Variants in IMPA2 observed in about 807,000 individuals in gnomAD.
IMPA2 encodes the protein inositol monophosphatase 2, also known as IMP 2.
A neutral mutation model predicts 35.1 loss-of-function variants in IMPA2; 32 were observed. The ratio of observed to expected loss-of-function variants is 0.91; its 90% confidence interval spans 0.69 to 1.23. IMPA2 has a LOEUF of 1.23. IMPA2 is among the 50% of genes most tolerant of loss of function. The pLI is 0.00. For synonymous variants in IMPA2, 135 were observed against 160.6 expected (o/e 0.84, Z 1.20); for missense variants, 334 against 387.6 (o/e 0.86, Z 1.16).
chr18:12,020,549 A>G (rs1435219296), intron 5 of IMPA2, among the ~76,000 whole-genome samples: 3 of 151,644 alleles, frequency 2.0e-5, no homozygotes, highest in Non-Finnish European at 4.4e-5. Flanking sequence ...TATTTTTTTT[A>G]TTTCCCAATT....
At chr18:12,027,933 C>T (rs1297576332) in intron 5 of IMPA2, 110 bp from the exon 6 acceptor site, 7 of 689,552 alleles carry the variant, frequency 1.0e-5, no homozygotes, top group South Asian at 1.8e-5. Context: ...ATGAACCAGT[C>T]GAAAGATGAT....
chr18:11,981,543 G>T lies in IMPA2; in HGVS notation c.-127G>T. The T allele has an allele frequency of 1.7e-6, 1 of 574,172 alleles. No individual in the cohort carries two copies. The allele number at this position is 574,172 out of a possible 1,614,324, so 35.6% of individuals were successfully genotyped here. On this transcript the variant is annotated 5_prime_UTR_variant, in exon 1 of 8. Coordinates refer to ENST00000269159, the MANE Select transcript of IMPA2 (RefSeq NM_014214.3). Reference sequence around the variant, plus strand: ...CCAGCGCAGGTGTGGGACGGGCGGCGGACTAGGCACAGAGCTGCGGGAGCA... The same window carrying T: ...CCAGCGCAGGTGTGGGACGGGCGGCTGACTAGGCACAGAGCTGCGGGAGCA...
intron 5 of IMPA2, among the ~76,000 whole-genome samples, chr18:12,017,074 T>G (rs1907598802): frequency 6.6e-6 from 1 of 152,224 alleles, no homozygotes; most frequent in Non-Finnish European, 1.5e-5. Context: ...ATTTCTATTA[T>G]GCCTTGCTGG....
At chr18:12,029,778 G>A (rs918132406) in intron 7 of IMPA2, among the ~76,000 whole-genome samples, 1 of 152,318 alleles carries the variant, frequency 6.6e-6, no homozygotes, top group African/African-American at 2.4e-5. Flanking sequence ...GCACCTGAAG[G>A]CTCACGTATG....
chr18:11,992,809 C>T (rs1031634798), intron 1 of IMPA2, among the ~76,000 whole-genome samples: 2 of 152,126 alleles, frequency 1.3e-5, no homozygotes, highest in African/African-American at 2.4e-5. Context: ...TACCTGGCAA[C>T]CCCATGTGCT....
In IMPA2 at chr18:12,028,084, C is replaced by T. The variant is rs753459911; in HGVS notation, c.532C>T (p.Arg178Cys). 7.4e-6 allele frequency: 12 copies of T among 1,613,936 alleles called. No individual in the cohort carries two copies. The highest frequency in any genetic ancestry group is 1.6e-4 in the Middle Eastern group (1 of 6,082). Residue 178 changes from arginine to cysteine, a missense_variant, in exon 6 of 8, where the codon CGT becomes TGT. Transcript: ENST00000269159. Reference protein sequence around the residue: ...ALVLTEIGPKRDPATLKLFLS... With the variant: ...ALVLTEIGPKCDPATLKLFLS... ...GGTTCTGACAGAAATTGGCCCCAAACGTGACCCTGCGACCCTGAAGCTGTT... is the reference window on the plus strand; with the variant it reads ...GGTTCTGACAGAAATTGGCCCCAAATGTGACCCTGCGACCCTGAAGCTGTT...
intron 1 of IMPA2, among the ~76,000 whole-genome samples, chr18:11,988,263 C>G (rs1299644415): frequency 2.0e-5 from 3 of 152,174 alleles, no homozygotes; most frequent in African/African-American, 7.2e-5. Flanking sequence ...ACCTTGGCCT[C>G]CCAAAGTGCT....
chr18:12,013,223 C>T (rs968771567), intron 4 of IMPA2, among the ~76,000 whole-genome samples: 4 of 152,108 alleles, frequency 2.6e-5, no homozygotes, highest in Admixed American at 2.0e-4. Flanking sequence ...TCGTGGTGGG[C>T]TCCTCCCCAT....
At chr18:11,998,036 A>G (rs537218190) in intron 1 of IMPA2, among the ~76,000 whole-genome samples, 1 of 152,214 alleles carries the variant, frequency 6.6e-6, no homozygotes, top group East Asian at 1.9e-4. Context: ...GTGCAGTACC[A>G]TGTGCCTGTA....
chr18:11,982,949 C>T (rs1906549255), intron 1 of IMPA2, among the ~76,000 whole-genome samples: 1 of 152,162 alleles, frequency 6.6e-6, no homozygotes, highest in Non-Finnish European at 1.5e-5. Flanking sequence ...TGAAATCGGA[C>T]TGTTATCAAT....
intron 2 of IMPA2, among the ~76,000 whole-genome samples, chr18:12,000,146 G>A (rs1907075554): frequency 6.6e-6 from 1 of 152,032 alleles, no homozygotes; most frequent in South Asian, 2.1e-4. Flanking sequence ...GCACATGGTA[G>A]GCTTAAAATA....
chr18:12,007,683 TCTTTCCTTTCTTTC>T (rs1314490646), intron 2 of IMPA2, among the ~76,000 whole-genome samples: 4 of 147,220 alleles, frequency 2.7e-5, no homozygotes, highest in Non-Finnish European at 6.0e-5. Flanking sequence ...TTCTTTCCTT[TCTTTCCTTTCTTTC>T]CTTTCTTCCC....
intron 1 of IMPA2, among the ~76,000 whole-genome samples, chr18:11,996,586 G>A (rs1484849602): frequency 6.6e-6 from 1 of 151,994 alleles, no homozygotes; most frequent in Non-Finnish European, 1.5e-5. Context: ...GGAACATCCT[G>A]GTCTCCTAGT....
Position 12,030,620 on chromosome 18 carries a change from C to A in IMPA2, c.*162C>A, listed in dbSNP as rs186628994. ...ACAGTGAGTGGCTGGCCTTTTAAAT[C>A]GACGTCTCTCTCACCAGGATTTGGT... is the stretch of plus-strand genomic sequence containing the variant. On this transcript the variant is annotated 3_prime_UTR_variant, in exon 8 of 8. Transcript: ENST00000269159. 8.4e-6 allele frequency: 5 copies of A among 597,978 alleles called. No individual in the cohort carries two copies. Among genetic ancestry groups the A allele is most frequent in the East Asian group, 2.8e-5 (1 of 35,690 alleles). The allele number at this position is 597,978 out of a possible 1,614,324, so 37.0% of individuals were successfully genotyped here.
chr18:11,984,215 C>T (rs969311474), intron 1 of IMPA2, among the ~76,000 whole-genome samples: 1 of 152,182 alleles, frequency 6.6e-6, no homozygotes, highest in Non-Finnish European at 1.5e-5. Context: ...GCTTCCCTGT[C>T]CCAGGCTCCC....
chr18:12,000,615 A>ATTTTTTTT (rs367586917), intron 2 of IMPA2, among the ~76,000 whole-genome samples: 1 of 118,208 alleles, frequency 8.5e-6, no homozygotes. Flanking sequence ...AGTGTTTGTG[A>ATTTTTTTT]TTTTTTTTTT....
chr18:12,022,528 A>AAT (rs202132842), intron 5 of IMPA2, among the ~76,000 whole-genome samples: 1,476 of 96,772 alleles, frequency 0.015, 56 homozygotes, highest in African/African-American at 0.054. Context: ...TCTCAAAAAG[A>AAT]ATATATATAT....
intron 2 of IMPA2, chr18:12,008,263 T>C: frequency 2.0e-6 from 1 of 489,286 alleles, no homozygotes; most frequent in South Asian, 1.5e-5. Context: ...CCCACAGTGC[T>C]GGGATTACAG....
intron 3 of IMPA2, 85 bp from the exon 4 acceptor site, chr18:12,012,085 G>C (rs1382324324): frequency 1.6e-6 from 2 of 1,275,538 alleles, no homozygotes; most frequent in African/African-American, 1.5e-5. Flanking sequence ...GTCCTTCTGA[G>C]CCTGCGGGGA....
Sources: gnomAD v4.1 joint callset for allele counts (sites outside exome capture counted in the v4.1 genomes callset) on GRCh38, gnomAD v4.1.1 for gene constraint, MANE v1.5 for transcripts, NCBI Gene and HGNC (gene_info 2026-07-23, HGNC 2026-07-21) for gene names.